JAK2: variants seen among roughly 807,000 people sequenced by gnomAD.
JAK2 encodes Janus kinase 2.
JAK2 carries 86 observed loss-of-function variants against 139.3 expected under a neutral mutation model. The observed-to-expected ratio is 0.62, with a 90% CI of 0.52 to 0.74. JAK2 has a LOEUF of 0.74. Ranked by LOEUF, JAK2 falls within the 30% of genes least tolerant of loss-of-function variation. The probability of loss-of-function intolerance (pLI) is 0.00; values close to 1 mark genes in which losing one functional copy is unlikely to be tolerated. For synonymous variants in JAK2, 490 were observed against 437.7 expected (o/e 1.12, Z -1.49); for missense variants, 1,421 against 1,360.3 (o/e 1.04, Z -0.70).
chr9:5,089,038 A>T (rs1228805777), intron 19 of JAK2, among the ~76,000 whole-genome samples: 1 of 152,222 alleles, frequency 6.6e-6, no homozygotes, highest in East Asian at 1.9e-4. Flanking sequence ...TCTTCCTGGA[A>T]GTTAGTGACA....
At position 5,054,999 on chromosome 9, in the gene JAK2, T is replaced by G; in HGVS notation, c.936+115T>G. The G allele has an allele frequency of 2.7e-6, 2 of 743,728 alleles. No homozygotes were observed. The highest frequency in any genetic ancestry group is 5.5e-5 in the East Asian group (2 of 36,588). The allele number at this position is 743,728 out of a possible 1,614,324, so 46.1% of individuals were successfully genotyped here. A position where few individuals can be genotyped will look rare whatever the true frequency, so the allele number is the denominator to read the frequency against. On this transcript the variant is annotated intron_variant, in intron 7 of 24. Transcript: ENST00000381652. The surrounding 1 kb of genome is among the most constrained non-coding windows in gnomAD (Gnocchi z 4.9). Reference sequence around the variant, plus strand: ...TTGCACTTCTCCCATTTGATAGAAGTGGAAGTTTTTAATAGCGTGAACCTA... The same window carrying G: ...TTGCACTTCTCCCATTTGATAGAAGGGGAAGTTTTTAATAGCGTGAACCTA...
In JAK2 at chr9:5,050,783, T is replaced by G; in HGVS notation, c.566T>G (p.Ile189Arg). Residue 189 changes from isoleucine to arginine, a missense_variant, in exon 6 of 25, where the codon ATA (isoleucine) becomes AGA (arginine). Transcript: ENST00000381652. ...LGMAVLDMMR[I>R]AKENDQTPLA... ...ATGGCAGTGTTAGATATGATGAGAA[T>G]AGCCAAAGAAAACGATCAAACCCCA... 2 of 1,613,626 alleles carry G rather than the reference T, an allele frequency of 1.2e-6. No individual in the cohort carries two copies. Among genetic ancestry groups the G allele is most frequent in the Middle Eastern group, 1.7e-4 (1 of 6,058 alleles).
chr9:4,994,158 TCTTTA>T (rs1430542502), intron 2 of JAK2, among the ~76,000 whole-genome samples: 1 of 152,352 alleles, frequency 6.6e-6, no homozygotes, highest in East Asian at 1.9e-4. Context: ...GTGTTTGGAA[TCTTTA>T]CTTAGAAGTT....
At chr9:4,990,112 A>G (rs921679637) in intron 2 of JAK2, among the ~76,000 whole-genome samples, 10 of 152,226 alleles carry the variant, frequency 6.6e-5, no homozygotes, top group African/African-American at 1.9e-4. Flanking sequence ...GTCACAAGAC[A>G]TTATTATGGA....
At chr9:5,103,273 G>A (rs549819553) in intron 22 of JAK2, among the ~76,000 whole-genome samples, 15 of 123,038 alleles carry the variant, frequency 1.2e-4, no homozygotes, top group East Asian at 8.8e-4. Flanking sequence ...TTGCAATCCC[G>A]GTCTCTGAAA....
chr9:4,998,945 C>T (rs1020595706), intron 2 of JAK2, among the ~76,000 whole-genome samples: 4 of 151,820 alleles, frequency 2.6e-5, no homozygotes, highest in East Asian at 1.9e-4. Flanking sequence ...CCTCAGCCTC[C>T]GGAGTAGCTG....
intron 8 of JAK2, among the ~76,000 whole-genome samples, chr9:5,059,565 G>GTA (rs1264994419): frequency 5.9e-5 from 9 of 151,782 alleles, no homozygotes; most frequent in South Asian, 2.1e-4. Flanking sequence ...CTCTTTTTTT[G>GTA]TATATATATA....
chr9:5,126,068 G>C (rs1823974353), intron 23 of JAK2: 1 of 273,892 alleles, frequency 3.7e-6, no homozygotes, highest in African/African-American at 2.2e-5. Context: ...AAAACTCAAA[G>C]GAAATATGTT....
chr9:5,023,929 A>T (rs1822604774), intron 3 of JAK2, among the ~76,000 whole-genome samples: 1 of 151,774 alleles, frequency 6.6e-6, no homozygotes, highest in African/African-American at 2.4e-5. Context: ...AGCTTGTAAG[A>T]TATTTTTTAG....
At chr9:5,118,287 T>C (rs1823358528) in intron 22 of JAK2, among the ~76,000 whole-genome samples, 1 of 152,220 alleles carries the variant, frequency 6.6e-6, no homozygotes, top group African/African-American at 2.4e-5. Context: ...AAAATAGTAT[T>C]CCCACTTCCC....
At chr9:5,056,419 C>G (rs1183441462) in intron 8 of JAK2, among the ~76,000 whole-genome samples, 1 of 152,022 alleles carries the variant, frequency 6.6e-6, no homozygotes, top group Admixed American at 6.6e-5. Context: ...CTGGCTTAAA[C>G]TAGTCCTATT....
chr9:5,023,288 C>G (rs556225700), intron 3 of JAK2, among the ~76,000 whole-genome samples: 1 of 152,158 alleles, frequency 6.6e-6, no homozygotes, highest in Non-Finnish European at 1.5e-5. Flanking sequence ...TTATTTCACT[C>G]GACATAATGA....
chr9:5,030,598 G>T (rs1166496303), intron 4 of JAK2, among the ~76,000 whole-genome samples: 1 of 152,090 alleles, frequency 6.6e-6, no homozygotes, highest in Non-Finnish European at 1.5e-5. Flanking sequence ...GGTCACACAG[G>T]TAGGAATTGG....
intron 4 of JAK2, 121 bp downstream of exon 4, chr9:5,030,027 T>C: frequency 1.3e-6 from 1 of 745,054 alleles, no homozygotes; most frequent in Non-Finnish European, 2.1e-6. Context: ...TTAGCACTCA[T>C]TTAAGATTTC....
At chr9:5,050,570 C>T in intron 5 of JAK2, 116 bp from the exon 6 acceptor site, 7 of 1,086,806 alleles carry the variant, frequency 6.4e-6, no homozygotes, top group South Asian at 1.6e-5. Flanking sequence ...TGAGCCTGGC[C>T]AATTTGTATC....
chr9:5,069,329 T>A, intron 11 of JAK2, 121 bp downstream of exon 11: 1 of 633,268 alleles, frequency 1.6e-6, no homozygotes, highest in Non-Finnish European at 2.7e-6. Context: ...AAGTTAATTT[T>A]ATCTTATTCT....
chr9:5,050,689 C>A lies in JAK2; in HGVS notation c.472C>A (p.Arg158=), dbSNP rs765494796. The A allele has an allele frequency of 3.7e-6, 6 of 1,610,860 alleles. No individual in the cohort carries two copies. In the Admixed American group the frequency reaches 5.1e-5, roughly 14 times the overall value. The change falls in exon 6 of 25, where the codon CGG becomes AGG. Residue 158 remains arginine (R), a synonymous_variant. Coordinates refer to ENST00000381652, the MANE Select transcript of JAK2 (RefSeq NM_004972.4). ...FVMSYLFAQW[R]HDFVHGWIKV... ...TCCTTCAAATTTTTGGTTTTAGTGG[C>A]GGCATGATTTTGTGCACGGATGGAT...
At chr9:5,125,388 A>C (rs1564028732) in intron 23 of JAK2, among the ~76,000 whole-genome samples, 1 of 151,386 alleles carries the variant, frequency 6.6e-6, no homozygotes, top group Non-Finnish European at 1.5e-5. Context: ...CTAATTGCTG[A>C]GTAGCATTCC....
chr9:5,067,274 A>T (rs1245688399), intron 10 of JAK2, among the ~76,000 whole-genome samples: 1 of 152,138 alleles, frequency 6.6e-6, no homozygotes, highest in African/African-American at 2.4e-5. Flanking sequence ...TATTTTTAAG[A>T]ATAGTGGTCT....
Sources: gnomAD v4.1 joint callset for allele counts (sites outside exome capture counted in the v4.1 genomes callset) on GRCh38, gnomAD v4.1.1 for gene constraint, Gnocchi (gnomAD v3.1) non-coding constraint, MANE v1.5 for transcripts, NCBI Gene and HGNC (gene_info 2026-07-23, HGNC 2026-07-21) for gene names.